CDKL5: variants seen among roughly 807,000 people sequenced by gnomAD.
CDKL5 encodes cyclin-dependent kinase-like 5.
A neutral mutation model predicts 61.7 loss-of-function variants in CDKL5; 8 were observed. That is an observed-to-expected ratio of 0.13 (90% confidence interval 0.08 to 0.23). CDKL5 has a LOEUF of 0.23. Among genes scored for constraint, CDKL5 ranks in the 10% least tolerant of loss-of-function variants. The pLI is 1.00. For missense variants in CDKL5, 440 were observed against 734.5 expected (o/e 0.60, Z 4.63); for synonymous variants, 275 against 272.3 (o/e 1.01, Z -0.10).
At chrX:18,454,453 T>G in intron 1 of CDKL5, among the ~76,000 whole-genome samples, 1 of 109,831 alleles carries the variant, frequency 9.1e-6, no homozygotes, top group Non-Finnish European at 1.9e-5. Context: ...GCCAGGCTGG[T>G]TTCAAACTCC....
In CDKL5 at chrX:18,506,967, T is replaced by C; in HGVS notation, c.-130T>C. On this transcript the variant is annotated 5_prime_UTR_variant, in exon 2 of 18. Transcript: ENST00000623535. The stretch of plus-strand genomic sequence containing the variant: ...TTTAATACTTCATGATTAGAACAAA[T>C]ATGTGAAAGTTCCCACCAACCAGTG... 1 of 521,726 alleles carries C rather than the reference T, an allele frequency of 1.9e-6. No individual in the cohort carries two copies. The highest frequency in any genetic ancestry group is 3.5e-6 in the Non-Finnish European group (1 of 289,301). The allele number at this position is 521,726 out of a possible 1,213,427, so 43.0% of individuals were successfully genotyped here. A position where few individuals can be genotyped will look rare whatever the true frequency, so the allele number is the denominator to read the frequency against.
At chrX:18,594,187 T>C (rs1182910862) in intron 9 of CDKL5, among the ~76,000 whole-genome samples, 1 of 112,217 alleles carries the variant, frequency 8.9e-6, no homozygotes, top group Non-Finnish European at 1.9e-5. Context: ...TAGAAATGCT[T>C]GTATGTTGGT....
intron 1 of CDKL5, among the ~76,000 whole-genome samples, chrX:18,479,562 G>A (rs917898357): frequency 4.6e-5 from 5 of 109,172 alleles, no homozygotes; most frequent in East Asian, 5.8e-4. Context: ...CTTGTGTTCC[G>A]CCCACCTCGG....
chrX:18,486,023 C>G (rs934746019), intron 1 of CDKL5, among the ~76,000 whole-genome samples: 1 of 111,800 alleles, frequency 8.9e-6, no homozygotes, highest in African/African-American at 3.3e-5. Flanking sequence ...AAACCACCAT[C>G]CTGAAGCAGA....
At position 18,443,225 on chromosome X, in the gene CDKL5, T is replaced by G. The variant is rs963786997; in HGVS notation, c.-163+17530T>G. Among the ~76,000 whole-genome samples, 4 of 112,308 alleles carry G rather than the reference T, an allele frequency of 3.6e-5. No homozygotes were observed. The East Asian group carries it at 8.4e-4, about 24-fold the overall frequency. On this transcript the variant is annotated intron_variant, in intron 1 of 17. Transcript: ENST00000623535. The stretch of plus-strand genomic sequence containing the variant: ...TTAATAGTAAATTTGGTTTTGGTGT[T>G]TGTGAAAGTGTCTGTACTTCACTTT...
In CDKL5 at chrX:18,628,813, A is replaced by AG. The variant is rs1927154093; in HGVS notation, c.*59dup. 1 of 83,748 alleles carries AG rather than the reference A, an allele frequency of 1.2e-5. No homozygotes were observed. Among genetic ancestry groups the AG allele is most frequent in the Non-Finnish European group, 1.4e-5 (1 of 69,155 alleles). 6.9% of individuals were successfully genotyped at this position (83,748 alleles called of 1,213,427 possible). The stretch of plus-strand genomic sequence containing the variant: ...ACAAGCCAGTGGGGAGGGGTGGGAA[A>AG]GGGTGGGCTGGGCTTGGGGCATGGG... On this transcript the variant is annotated 3_prime_UTR_variant, in exon 18 of 18. Coordinates refer to ENST00000623535, the MANE Select transcript of CDKL5 (RefSeq NM_001323289.2).
chrX:18,646,403 C>T (rs749363784), intron 20 of CDKL5, among the ~76,000 whole-genome samples: 1 of 112,412 alleles, frequency 8.9e-6, no homozygotes, highest in African/African-American at 3.2e-5. Context: ...ATCTGCCCCC[C>T]CTCGGCCTCC....
rs886737281 is a variant in CDKL5 at position 18,640,146 on chromosome X, T to G, written c.*11389T>G. On this transcript the variant is annotated 3_prime_UTR_variant, in exon 18 of 18. Transcript: ENST00000623535. Reference sequence around the variant, plus strand: ...TTGTACACTTTAAATGGATACAAATTGTATGTGAACTTAATCTCAATAAAG... The same window carrying G: ...TTGTACACTTTAAATGGATACAAATGGTATGTGAACTTAATCTCAATAAAG... 9.0e-6 allele frequency: 1 copy of G among 111,495 alleles called. No individual in the cohort carries two copies. Among genetic ancestry groups the G allele is most frequent in the African/African-American group, 3.3e-5 (1 of 30,644 alleles). The allele number at this position is 111,495 out of a possible 1,213,427, so 9.2% of individuals were successfully genotyped here.
Position 18,646,059 on chromosome X carries a change from A to T in CDKL5, c.2766A>T (p.Arg922Ser), listed in dbSNP as rs752464218. Reference sequence around the variant, plus strand: ...GACACCATTCTGGACCCCAAGATAGACGCTTCATGTTAAGGACGACAGAAC... The same window carrying T: ...GACACCATTCTGGACCCCAAGATAGTCGCTTCATGTTAAGGACGACAGAAC... The change falls in exon 20 of 22, where the codon AGA becomes AGT. Residue 922 changes from arginine (R) to serine (S), a missense_variant. By Grantham distance (110) the Arg-to-Ser change is moderately radical (BLOSUM62 -1). Coordinates refer to the CDKL5 transcript ENST00000379989. 3.3e-6 allele frequency: 4 copies of T among 1,211,899 alleles called. No homozygotes were observed. In the Admixed American group the frequency reaches 8.7e-5, roughly 26 times the overall value.
At chrX:18,602,389 A>C (rs1481432742) in intron 11 of CDKL5, among the ~76,000 whole-genome samples, 1 of 112,404 alleles carries the variant, frequency 8.9e-6, no homozygotes, top group Non-Finnish European at 1.9e-5. Flanking sequence ...TTTAGGATAT[A>C]GGGACTTTAT....
At chrX:18,569,234 GA>G (rs1458951549) in intron 4 of CDKL5, among the ~76,000 whole-genome samples, 1 of 111,321 alleles carries the variant, frequency 9.0e-6, no homozygotes, top group Non-Finnish European at 1.9e-5. Context: ...TGGAGTCTGT[GA>G]TAATGAGTTC....
rs1459533765 is a variant in CDKL5, at chrX:18,425,670, C to T, written c.-188C>T. The T allele has an allele frequency of 8.9e-6, 1 of 112,353 alleles. No individual in the cohort carries two copies. Among genetic ancestry groups the T allele is most frequent in the Non-Finnish European group, 1.9e-5 (1 of 53,152 alleles). The allele number at this position is 112,353 out of a possible 1,213,427, so 9.3% of individuals were successfully genotyped here. On this transcript the variant is annotated 5_prime_UTR_variant, in exon 1 of 18. Coordinates refer to ENST00000623535, the MANE Select transcript of CDKL5 (RefSeq NM_001323289.2). ...GCGTCCTCAGGAGCTGTGGGGTCCC[C>T]TGCTAGAAGTGGGGGACTCGGCGGG...
intron 3 of CDKL5, among the ~76,000 whole-genome samples, chrX:18,526,175 C>G (rs1316652923): frequency 1.8e-5 from 2 of 112,242 alleles, no homozygotes; most frequent in African/African-American, 3.2e-5. Context: ...AGGTTTATAC[C>G]TTAGCACTAT....
intron 3 of CDKL5, among the ~76,000 whole-genome samples, chrX:18,514,444 C>T (rs984826658): frequency 1.8e-5 from 2 of 111,567 alleles, no homozygotes; most frequent in Non-Finnish European, 3.8e-5. Flanking sequence ...CAGTGGCTCA[C>T]GCCTGTAATC....
At chrX:18,530,138 C>T (rs1423707960) in intron 3 of CDKL5, among the ~76,000 whole-genome samples, 2 of 107,815 alleles carry the variant, frequency 1.9e-5, no homozygotes, top group African/African-American at 6.8e-5. Context: ...ACCATCCTGG[C>T]GAACGTGGTG....
chrX:18,538,158 C>A (rs1395521227), intron 3 of CDKL5, among the ~76,000 whole-genome samples: 1 of 111,615 alleles, frequency 9.0e-6, no homozygotes, highest in Non-Finnish European at 1.9e-5. Context: ...TGTAGGTGAT[C>A]CCATTGTAGT....
intron 5 of CDKL5, 21 bp downstream of exon 5, chrX:18,575,511 G>A: frequency 2.5e-6 from 3 of 1,189,800 alleles, no homozygotes; most frequent in East Asian, 3.0e-5. Context: ...AATTGCCAAT[G>A]TGCACATTTG....
intron 1 of CDKL5, among the ~76,000 whole-genome samples, chrX:18,504,720 A>G (rs895399207): frequency 9.0e-5 from 10 of 110,512 alleles, no homozygotes. Flanking sequence ...TCACGAGGTC[A>G]GGAGAGCGAG....
In CDKL5 at chrX:18,518,388, A is replaced by ATTTTTTTTTTTTTTTTTTTTTT. The variant is rs779361711; in HGVS notation, c.99+7548_99+7569dup. Among the ~76,000 whole-genome samples, 93 of 21,174 alleles carry ATTTTTTTTTTTTTTTTTTTTTT rather than the reference A, an allele frequency of 4.4e-3. 21 individuals are homozygous for ATTTTTTTTTTTTTTTTTTTTTT. Among genetic ancestry groups the ATTTTTTTTTTTTTTTTTTTTTT allele is most frequent in the Non-Finnish European group, 5.7e-3 (66 of 11,608 alleles). The allele number at this position is 21,174 out of a possible 115,157, so 18.4% of individuals were successfully genotyped here. On this transcript the variant is annotated intron_variant, in intron 3 of 17. Coordinates refer to ENST00000623535, the MANE Select transcript of CDKL5 (RefSeq NM_001323289.2). ...AAGTCATGTTTTCTTTTCTTTTCTTATTTTTTTTTTTTTTTTTTTTTTTTT... is the reference window on the plus strand; with the variant it reads ...AAGTCATGTTTTCTTTTCTTTTCTTATTTTTTTTTTTTTTTTTTTTTTTTTTTTTTTTTTTTTTTTTTTTTTT...
Sources: gnomAD v4.1 joint callset for allele counts (sites outside exome capture counted in the v4.1 genomes callset) on GRCh38, gnomAD v4.1.1 for gene constraint, MANE v1.5 for transcripts, NCBI Gene and HGNC (gene_info 2026-07-23, HGNC 2026-07-21) for gene names.